The following TAFA2 variants were observed in gnomAD, a reference collection of about 807,000 sequenced individuals.
The protein encoded by TAFA2 is chemokine-like protein TAFA-2.
A neutral mutation model predicts 18.8 loss-of-function variants in TAFA2; 7 were observed. That is an observed-to-expected ratio of 0.37 (90% CI 0.21 to 0.70). TAFA2 has a LOEUF of 0.70. TAFA2 is among the 30% of genes least tolerant of loss of function. TAFA2 has a pLI of 0.53. For missense variants in TAFA2, 122 were observed against 158.1 expected (o/e 0.77, Z 1.23); for synonymous variants, 60 against 54.2 (o/e 1.11, Z -0.47).
chr12:61,782,236 G>A (rs186642098), intron 2 of TAFA2, among the ~76,000 whole-genome samples: 9 of 151,686 alleles, frequency 5.9e-5, no homozygotes, highest in South Asian at 4.1e-4. Flanking sequence ...AACATGGTTC[G>A]TTATACCCGC....
intron 2 of TAFA2, among the ~76,000 whole-genome samples, chr12:61,822,696 G>A (rs1872369779): frequency 6.6e-6 from 1 of 152,016 alleles, no homozygotes; most frequent in African/African-American, 2.4e-5. Flanking sequence ...GATGGTTTTT[G>A]TTTATGTTTC....
intron 1 of TAFA2, among the ~76,000 whole-genome samples, chr12:61,909,606 C>G (rs717045): frequency 0.8 from 121,665 of 152,084 alleles, 49,311 homozygotes; most frequent in African/African-American, 0.92. Context: ...CAGCCAGTAG[C>G]GATAGTCATG....
At chr12:61,785,319 TTGTGTGTGTGTG>T (rs57166010) in intron 2 of TAFA2, among the ~76,000 whole-genome samples, 118 of 140,188 alleles carry the variant, frequency 8.4e-4, no homozygotes, top group African/African-American at 2.1e-3. Flanking sequence ...AATAGTATTC[TTGTGTGTGTGTG>T]TGTGTGTGTG....
intron 1 of TAFA2, among the ~76,000 whole-genome samples, chr12:62,088,791 A>G (rs960460300): frequency 3.9e-5 from 6 of 152,036 alleles, no homozygotes; most frequent in Non-Finnish European, 8.8e-5. Context: ...ATAACCCTCA[A>G]GGAGTGCCAA....
chr12:62,258,689 T>C (rs2062956022), intron 1 of TAFA2: 1 of 318,148 alleles, frequency 3.1e-6, no homozygotes, highest in Non-Finnish European at 6.3e-6. Flanking sequence ...GTAGGTATTA[T>C]TATACTCAAT....
Position 61,917,955 on chromosome 12 carries a change from T to C in TAFA2, c.-1-50529A>G, listed in dbSNP as rs1195048402. ...AAAGTTCTAGAGAGGCAGTAGTGGA[T>C]AGCTAGGGATTCTCAAGTTACATGT... On this transcript the variant is annotated intron_variant, in intron 1 of 4. Transcript: ENST00000416284. Among the ~76,000 whole-genome samples the C allele has an allele frequency of 2.0e-5, 3 of 152,162 alleles. No homozygotes were observed. The East Asian group carries it at 5.8e-4, about 29-fold the overall frequency.
At chr12:61,955,623 AAAAAAAAAAATATATATATATATATATAT>A (rs1878643697) in intron 1 of TAFA2, among the ~76,000 whole-genome samples, 2 of 29,992 alleles carry the variant, frequency 6.7e-5, no homozygotes, top group African/African-American at 1.0e-4. Flanking sequence ...AAAAAAAAAA[AAAAAAAAAAATATATATATATATATATAT>A]ATATATATAT....
At chr12:61,815,977 G>T (rs1872068240) in intron 2 of TAFA2, among the ~76,000 whole-genome samples, 1 of 150,990 alleles carries the variant, frequency 6.6e-6, no homozygotes, top group African/African-American at 2.5e-5. Flanking sequence ...GCACTATAGG[G>T]AAAATAAAAA....
intron 1 of TAFA2, among the ~76,000 whole-genome samples, chr12:62,236,272 C>CTT: frequency 8.3e-6 from 1 of 120,684 alleles, no homozygotes; most frequent in East Asian, 3.2e-4. Context: ...TTTTTTTTTT[C>CTT]TTTTTTTTTT....
At chr12:61,910,045 A>T (rs1306281603) in intron 1 of TAFA2, among the ~76,000 whole-genome samples, 1 of 152,084 alleles carries the variant, frequency 6.6e-6, no homozygotes, top group African/African-American at 2.4e-5. Flanking sequence ...TGCAAAAAAC[A>T]AGGCCCCAAA....
intron 1 of TAFA2, among the ~76,000 whole-genome samples, chr12:62,117,556 A>G (rs568696278): frequency 2.6e-5 from 4 of 152,284 alleles, no homozygotes; most frequent in South Asian, 2.1e-4. Context: ...CAACACTTCA[A>G]ATGTTCCAAG....
At chr12:62,138,703 GC>G (rs1488164984) in intron 1 of TAFA2, among the ~76,000 whole-genome samples, 2 of 152,166 alleles carry the variant, frequency 1.3e-5, no homozygotes, top group Admixed American at 1.3e-4. Context: ...ATTAAATGCA[GC>G]CTGTGAGTGT....
chr12:62,143,422 T>C (rs917730349), intron 1 of TAFA2, among the ~76,000 whole-genome samples: 4 of 152,160 alleles, frequency 2.6e-5, no homozygotes, highest in Non-Finnish European at 5.9e-5. Context: ...TAAAACTAAT[T>C]ATAAAACGGA....
chr12:61,819,948 A>T (rs1213076594), intron 2 of TAFA2, among the ~76,000 whole-genome samples: 1 of 152,078 alleles, frequency 6.6e-6, no homozygotes, highest in African/African-American at 2.4e-5. Flanking sequence ...AAATCCATGG[A>T]CAAGTTTGTA....
chr12:61,736,833 T>C (rs1193672327), intron 4 of TAFA2, among the ~76,000 whole-genome samples: 1 of 152,016 alleles, frequency 6.6e-6, no homozygotes, highest in African/African-American at 2.4e-5. Context: ...ATTTCAGCCA[T>C]TGTGATAGGC....
At chr12:62,154,653 T>C (rs562139066) in intron 1 of TAFA2, among the ~76,000 whole-genome samples, 1 of 147,598 alleles carries the variant, frequency 6.8e-6, no homozygotes, top group South Asian at 2.2e-4. Flanking sequence ...CTAAGTGTTA[T>C]ACCATTTTCA....
At chr12:61,872,862 T>TTCTCTC (rs36106779) in intron 1 of TAFA2, among the ~76,000 whole-genome samples, 8 of 150,452 alleles carry the variant, frequency 5.3e-5, no homozygotes, top group South Asian at 4.2e-4. Flanking sequence ...ACCCTGCAGT[T>TTCTCTC]TCTCTCTCTC....
intron 1 of TAFA2, among the ~76,000 whole-genome samples, chr12:62,052,126 C>T (rs905931852): frequency 1.3e-5 from 2 of 152,078 alleles, no homozygotes; most frequent in Non-Finnish European, 2.9e-5. Flanking sequence ...ATGGGTGCCT[C>T]TGACATTTAC....
At chr12:62,144,089 C>T (rs191665500) in intron 1 of TAFA2, among the ~76,000 whole-genome samples, 88 of 147,174 alleles carry the variant, frequency 6.0e-4, no homozygotes, top group African/African-American at 2.1e-3. Flanking sequence ...AACTCTCATA[C>T]GATGACCATA....
Sources: gnomAD v4.1 joint callset for allele counts (sites outside exome capture counted in the v4.1 genomes callset) on GRCh38, gnomAD v4.1.1 for gene constraint, MANE v1.5 for transcripts, NCBI Gene and HGNC (gene_info 2026-07-23, HGNC 2026-07-21) for gene names.